HSD17B12: variants seen among roughly 807,000 people sequenced by gnomAD.
HSD17B12 encodes hydroxysteroid 17-beta dehydrogenase 12, also known as very-long-chain 3-oxoacyl-CoA reductase.
HSD17B12 carries 32 observed loss-of-function variants against 39.3 expected under a neutral mutation model. The ratio of observed to expected loss-of-function variants is 0.81; its 90% CI spans 0.61 to 1.09. The LOEUF is 1.09. Among genes scored for constraint, HSD17B12 ranks in the 50% least tolerant of loss-of-function variants. The probability of loss-of-function intolerance (pLI) is 0.00; values close to 1 mark genes in which losing one functional copy is unlikely to be tolerated. For synonymous variants in HSD17B12, 150 were observed against 146.7 expected, an observed-to-expected ratio of 1.02 and a Z score of -0.16; for missense variants, 342 against 382.9, an observed-to-expected ratio of 0.89 and a Z score of 0.89.
chr11:43,760,094 C>G (rs185735431), intron 3 of HSD17B12, among the ~76,000 whole-genome samples: 1 of 152,108 alleles, frequency 6.6e-6, no homozygotes, highest in Admixed American at 6.6e-5. Flanking sequence ...ATGGGGGTTT[C>G]ACCATATTGG....
intron 1 of HSD17B12, among the ~76,000 whole-genome samples, chr11:43,687,381 T>C (rs1445659620): frequency 6.6e-6 from 1 of 152,196 alleles, no homozygotes; most frequent in Non-Finnish European, 1.5e-5. Context: ...TCCAATGGGA[T>C]GACAAACAGT....
chr11:43,743,269 C>T (rs1022382828), intron 1 of HSD17B12, among the ~76,000 whole-genome samples: 2 of 152,184 alleles, frequency 1.3e-5, no homozygotes, highest in African/African-American at 4.8e-5. Flanking sequence ...TTTGACCTTT[C>T]ATCTCTTGGA....
the HSD17B12 span, among the ~76,000 whole-genome samples, chr11:43,665,976 G>A: frequency 3.4e-4 from 52 of 152,284 alleles, no homozygotes; most frequent in African/African-American, 1.2e-3. Flanking sequence ...TTTATTGTAC[G>A]CCAAGGATAT....
chr11:43,642,276 A>G, the HSD17B12 span, among the ~76,000 whole-genome samples: 1 of 151,784 alleles, frequency 6.6e-6, no homozygotes, highest in African/African-American at 2.4e-5. Flanking sequence ...AATATTAAGT[A>G]TATAGATTAA....
At chr11:43,728,359 C>T (rs1950239882) in intron 1 of HSD17B12, among the ~76,000 whole-genome samples, 2 of 152,010 alleles carry the variant, frequency 1.3e-5, no homozygotes, top group South Asian at 2.1e-4. Flanking sequence ...AGCCATTGCA[C>T]CTGGCCCAAT....
intron 2 of HSD17B12, among the ~76,000 whole-genome samples, chr11:43,752,507 A>G (rs994254256): frequency 6.6e-6 from 1 of 152,094 alleles, no homozygotes; most frequent in Admixed American, 6.6e-5. Context: ...TGAGGTCAGG[A>G]GTTCAAGACC....
At chr11:43,639,465 C>A in the HSD17B12 span, among the ~76,000 whole-genome samples, 1 of 152,152 alleles carries the variant, frequency 6.6e-6, no homozygotes, top group African/African-American at 2.4e-5. Context: ...GAAACTGAGG[C>A]ACAGCCTAGT....
chr11:43,841,493 T>C (rs980560361), intron 9 of HSD17B12, among the ~76,000 whole-genome samples: 1 of 152,216 alleles, frequency 6.6e-6, no homozygotes, highest in Admixed American at 6.5e-5. Context: ...GCTTTTCCCC[T>C]GTTTTCCTGT....
chr11:43,820,735 T>C (rs975536991), intron 6 of HSD17B12, among the ~76,000 whole-genome samples: 2 of 152,218 alleles, frequency 1.3e-5, no homozygotes, highest in Non-Finnish European at 2.9e-5. Flanking sequence ...AGGGAATAAC[T>C]GGCTGAGAAG....
At chr11:43,828,751 T>G (rs1182196717) in intron 6 of HSD17B12, among the ~76,000 whole-genome samples, 1 of 152,214 alleles carries the variant, frequency 6.6e-6, no homozygotes. Context: ...GCCTGGTATA[T>G]TCATATAAAT....
chr11:43,585,853 G>A, the HSD17B12 span, among the ~76,000 whole-genome samples: 1 of 152,152 alleles, frequency 6.6e-6, no homozygotes, highest in Admixed American at 6.5e-5. Context: ...GGTGGGAGTC[G>A]GGTGGTGATT....
chr11:43,745,246 CA>C (rs1161921723), intron 1 of HSD17B12, among the ~76,000 whole-genome samples: 1 of 152,104 alleles, frequency 6.6e-6, no homozygotes, highest in African/African-American at 2.4e-5. Context: ...TAGATCAGCC[CA>C]AAGTTGGCAA....
chr11:43,799,393 A>T (rs558293803), intron 4 of HSD17B12, among the ~76,000 whole-genome samples: 61 of 152,124 alleles, frequency 4.0e-4, no homozygotes, highest in African/African-American at 1.4e-3. Flanking sequence ...TCTAAGTCTT[A>T]TACCCCTTTT....
At chr11:43,582,293 G>A in the HSD17B12 span, among the ~76,000 whole-genome samples, 1 of 152,180 alleles carries the variant, frequency 6.6e-6, no homozygotes, top group Admixed American at 6.5e-5. Context: ...AGCAGCAGCA[G>A]CCCCATCCCG....
the HSD17B12 span, among the ~76,000 whole-genome samples, chr11:43,650,521 T>C: frequency 6.6e-6 from 1 of 152,114 alleles, no homozygotes; most frequent in Non-Finnish European, 1.5e-5. Context: ...GGTGAGAATA[T>C]AGAGTGGTGG....
intron 1 of HSD17B12, among the ~76,000 whole-genome samples, chr11:43,729,926 A>G (rs983131427): frequency 6.6e-6 from 1 of 152,150 alleles, no homozygotes; most frequent in African/African-American, 2.4e-5. Context: ...TTTTCTTTTA[A>G]TTCAGTTATT....
At chr11:43,665,975 C>G in the HSD17B12 span, among the ~76,000 whole-genome samples, 9 of 152,192 alleles carry the variant, frequency 5.9e-5, no homozygotes, top group Non-Finnish European at 1.3e-4. Context: ...GTTTATTGTA[C>G]GCCAAGGATA....
chr11:43,658,849 C>G, the HSD17B12 span, among the ~76,000 whole-genome samples: 1 of 152,224 alleles, frequency 6.6e-6, no homozygotes, highest in Non-Finnish European at 1.5e-5. Context: ...TAGGGACCCA[C>G]TTGAGGAGGC....
At chr11:43,646,349 G>A in the HSD17B12 span, 1 of 152,112 alleles carries the variant, frequency 6.6e-6, no homozygotes, top group Admixed American at 6.5e-5. Flanking sequence ...CTTGACAATT[G>A]AATAAAAAAG....
Sources: allele counts gnomAD v4.1 joint callset (sites outside exome capture counted in the v4.1 genomes callset), GRCh38; gene constraint gnomAD v4.1.1; transcripts MANE v1.5; gene names NCBI Gene and HGNC (gene_info 2026-07-23, HGNC 2026-07-21).